The following SOX6 variants were observed in gnomAD, a reference collection of about 807,000 sequenced individuals.
SOX6 encodes the protein transcription factor SOX-6.
SOX6 carries 11 observed loss-of-function variants against 97.8 expected under a neutral mutation model. The observed-to-expected ratio is 0.11, with a 90% CI of 0.07 to 0.19. SOX6 has a LOEUF of 0.19. Among genes scored for constraint, SOX6 ranks in the 10% least tolerant of loss-of-function variants. The pLI, the probability that SOX6 is intolerant of heterozygous loss-of-function variation, is 1.00. For synonymous variants in SOX6, 360 were observed against 371.4 expected (o/e 0.97, Z 0.35); for missense variants, 810 against 1,039.5 (o/e 0.78, Z 3.04).
intron 4 of SOX6, among the ~76,000 whole-genome samples, chr11:16,495,008 G>T (rs1184753490): frequency 6.6e-6 from 1 of 152,058 alleles, no homozygotes; most frequent in Admixed American, 6.6e-5. Context: ...CTGCCTTGGA[G>T]CCCAACAGCC....
chr11:16,186,700 C>G, intron 5 of SOX6, 83 bp downstream of exon 5: 1 of 1,437,902 alleles, frequency 7.0e-7, no homozygotes, highest in East Asian at 2.3e-5. Flanking sequence ...AAGCTTACAA[C>G]AAATAAGCCA....
intron 13 of SOX6, among the ~76,000 whole-genome samples, chr11:16,010,228 C>G (rs1343147975): frequency 6.6e-6 from 1 of 151,228 alleles, no homozygotes; most frequent in East Asian, 2.0e-4. Flanking sequence ...TTCACAAATT[C>G]AGTATAAATC....
Position 15,970,695 on chromosome 11 carries a change from A to C in SOX6, c.*2114T>G, listed in dbSNP as rs1191556230. 1.3e-5 allele frequency: 2 copies of C among 152,670 alleles called. No homozygotes were observed. The highest frequency in any genetic ancestry group is 2.9e-5 in the Non-Finnish European group (2 of 68,040). The allele number at this position is 152,670 out of a possible 1,614,324, so 9.5% of individuals were successfully genotyped here. ...CTTATAGAGAGCACTCCCAGCTAAC[A>C]GAATAGCTTGTAATTTCTTGGCTAG... is the stretch of plus-strand genomic sequence containing the variant. On this transcript the variant is annotated 3_prime_UTR_variant, in exon 16 of 16. Coordinates refer to ENST00000683767, the MANE Select transcript of SOX6 (RefSeq NM_001367873.1).
At chr11:16,485,609 T>TA (rs1385362528) in intron 4 of SOX6, among the ~76,000 whole-genome samples, 1 of 151,264 alleles carries the variant, frequency 6.6e-6, no homozygotes, top group Non-Finnish European at 1.5e-5. Context: ...CACGTGGCTA[T>TA]AATCCCAGCT....
intron 4 of SOX6, among the ~76,000 whole-genome samples, chr11:16,206,889 T>C (rs190718720): frequency 6.6e-6 from 1 of 152,292 alleles, no homozygotes; most frequent in South Asian, 2.1e-4. Context: ...TATGATCATG[T>C]CACTCTCTGA....
chr11:16,569,593 T>C (rs1589989518), intron 4 of SOX6, among the ~76,000 whole-genome samples: 3 of 152,218 alleles, frequency 2.0e-5, no homozygotes, highest in South Asian at 2.1e-4. Context: ...ATACATTTTG[T>C]TTCTTGGATA....
At chr11:16,638,401 A>G (rs944370470) in intron 3 of SOX6, among the ~76,000 whole-genome samples, 17 of 152,116 alleles carry the variant, frequency 1.1e-4, no homozygotes, top group Non-Finnish European at 1.8e-4. Flanking sequence ...CATGATTTAT[A>G]ATCCTTTGGG....
chr11:16,154,623 T>G (rs1160110095), intron 6 of SOX6, among the ~76,000 whole-genome samples: 1 of 152,062 alleles, frequency 6.6e-6, no homozygotes, highest in African/African-American at 2.4e-5. Flanking sequence ...TCAACCAGTC[T>G]AACTGATTTT....
At chr11:16,253,213 G>C (rs1476218111) in intron 3 of SOX6, among the ~76,000 whole-genome samples, 4 of 152,014 alleles carry the variant, frequency 2.6e-5, no homozygotes, top group African/African-American at 9.7e-5. Context: ...GCCGGGCATG[G>C]TGGTGCATGC....
chr11:16,002,150 C>T (rs1336612237), intron 13 of SOX6, among the ~76,000 whole-genome samples: 3 of 152,160 alleles, frequency 2.0e-5, no homozygotes, highest in Admixed American at 6.5e-5. Context: ...GCAGCTTAAA[C>T]AAACACACGA....
intron 1 of SOX6, among the ~76,000 whole-genome samples, chr11:16,388,747 T>C (rs1006985537): frequency 2.6e-5 from 4 of 152,146 alleles, no homozygotes; most frequent in Admixed American, 6.5e-5. Flanking sequence ...TGGTAAGTTG[T>C]GTTTCTTTTT....
chr11:16,541,493 G>T (rs1030876398), intron 4 of SOX6, among the ~76,000 whole-genome samples: 1 of 152,038 alleles, frequency 6.6e-6, no homozygotes, highest in Non-Finnish European at 1.5e-5. Flanking sequence ...AACAGCTTCT[G>T]CACAGCAAAA....
chr11:16,434,974 T>C (rs1257983329), intron 1 of SOX6, among the ~76,000 whole-genome samples: 5 of 152,172 alleles, frequency 3.3e-5, no homozygotes, highest in Non-Finnish European at 4.4e-5. Flanking sequence ...CTGACATAAG[T>C]ATACAACTAT....
At chr11:16,322,280 A>G (rs1161551136) in intron 2 of SOX6, among the ~76,000 whole-genome samples, 1 of 152,086 alleles carries the variant, frequency 6.6e-6, no homozygotes, top group Non-Finnish European at 1.5e-5. Flanking sequence ...CCCCTTGCTT[A>G]TGATAATGAG....
intron 12 of SOX6, among the ~76,000 whole-genome samples, chr11:16,018,810 T>C (rs1383388252): frequency 1.3e-5 from 2 of 152,088 alleles, no homozygotes; most frequent in African/African-American, 2.4e-5. Context: ...TATTATTTTA[T>C]AGTGTCATTA....
intron 1 of SOX6, among the ~76,000 whole-genome samples, chr11:16,424,282 G>C (rs146973106): frequency 1.6e-3 from 247 of 152,326 alleles, no homozygotes; most frequent in Middle Eastern, 0.014. Context: ...TGTGCACATA[G>C]GTTGTAATAA....
At chr11:16,012,932 A>G (rs1239408664) in intron 13 of SOX6, among the ~76,000 whole-genome samples, 1 of 152,084 alleles carries the variant, frequency 6.6e-6, no homozygotes, top group Non-Finnish European at 1.5e-5. Context: ...ATTGGTTTCA[A>G]TCTAGACAAT....
At chr11:16,239,284 C>T (rs1853113649) in intron 3 of SOX6, among the ~76,000 whole-genome samples, 1 of 152,074 alleles carries the variant, frequency 6.6e-6, no homozygotes, top group Non-Finnish European at 1.5e-5. Flanking sequence ...CACTCCCTGA[C>T]GACTGCTCAT....
intron 4 of SOX6, among the ~76,000 whole-genome samples, chr11:16,558,772 G>T (rs1020202069): frequency 7.9e-5 from 12 of 151,886 alleles, no homozygotes; most frequent in African/African-American, 2.9e-4. Flanking sequence ...TACAGTAAGT[G>T]TACTCTCCTC....
Sources: allele counts gnomAD v4.1 joint callset (sites outside exome capture counted in the v4.1 genomes callset), GRCh38; gene constraint gnomAD v4.1.1; transcripts MANE v1.5; gene names NCBI Gene and HGNC (gene_info 2026-07-23, HGNC 2026-07-21).